Variants in IWS1 observed in about 807,000 individuals in gnomAD.
IWS1 encodes protein IWS1 homolog.
A neutral mutation model predicts 86.7 loss-of-function variants in IWS1; 27 were observed. The ratio of observed to expected loss-of-function variants is 0.31; its 90% CI spans 0.23 to 0.43. The LOEUF (loss-of-function observed/expected upper bound fraction) is 0.43. IWS1 is among the 20% of genes least tolerant of loss of function. The pLI is 1.00. For synonymous variants in IWS1, 313 were observed against 335.1 expected (o/e 0.93, Z 0.72); for missense variants, 827 against 1,000.8 (o/e 0.83, Z 2.34).
intron 13 of IWS1, among the ~76,000 whole-genome samples, chr2:127,485,579 G>A (rs890561145): frequency 6.6e-6 from 1 of 152,072 alleles, no homozygotes; most frequent in Non-Finnish European, 1.5e-5. Flanking sequence ...CTGTAATTCT[G>A]GGTCCTAACA....
chr2:127,486,189 C>A (rs911903265), intron 13 of IWS1, among the ~76,000 whole-genome samples: 2 of 152,020 alleles, frequency 1.3e-5, no homozygotes, highest in African/African-American at 4.8e-5. Flanking sequence ...AGAGGTAGGT[C>A]TGCTGAAGCA....
chr2:127,504,662 A>G, intron 3 of IWS1, 22 bp downstream of exon 3: 1 of 1,530,234 alleles, frequency 6.5e-7, no homozygotes, highest in South Asian at 1.3e-5. Flanking sequence ...CCATTGATAA[A>G]CAGCCCAAGG....
chr2:127,506,010 C>T (rs1691129334), intron 2 of IWS1, among the ~76,000 whole-genome samples: 1 of 152,190 alleles, frequency 6.6e-6, no homozygotes, highest in African/African-American at 2.4e-5. Flanking sequence ...CAGATTACTA[C>T]AGAAAACTGA....
At chr2:127,484,743 C>G (rs1486015801) in intron 13 of IWS1, 2 of 152,248 alleles carry the variant, frequency 1.3e-5, no homozygotes, top group East Asian at 3.8e-4. Flanking sequence ...TGGCTCATGC[C>G]TGTAATCCCT....
At chr2:127,485,698 T>C (rs1190068807) in intron 13 of IWS1, among the ~76,000 whole-genome samples, 1 of 152,186 alleles carries the variant, frequency 6.6e-6, no homozygotes, top group Admixed American at 6.5e-5. Flanking sequence ...GACTTCCATG[T>C]CAATTTCTAA....
chr2:127,494,057 A>T (rs1445361840), intron 8 of IWS1, among the ~76,000 whole-genome samples: 3 of 151,956 alleles, frequency 2.0e-5, no homozygotes. Context: ...CATCAAAAGT[A>T]GGCTGTGGCT....
rs334143 is a variant in IWS1 at position 127,505,900 on chromosome 2, C to T, written c.151-148G>A. The T allele has an allele frequency of 0.84, 426,396 of 509,416 alleles. 179,280 individuals are homozygous for T. Among genetic ancestry groups the T allele is most frequent in the East Asian group, 1 (31,774 of 31,844 alleles). 31.6% of individuals were successfully genotyped at this position (509,416 alleles called of 1,614,324 possible). The stretch of plus-strand genomic sequence containing the variant: ...TTCTTGTCCTATACCCATATAGAAA[C>T]ACCCCCACAGAAAGCCAATCAGTGA... On this transcript the variant is annotated intron_variant, in intron 2 of 13. Transcript: ENST00000295321. This position sits in a 1 kb window ranked among gnomAD's most constrained non-coding sequence, Gnocchi z 5.0.
Position 127,526,396 on chromosome 2 carries a change from C to T in IWS1, c.-188G>A. On this transcript the variant is annotated 5_prime_UTR_variant, in exon 1 of 14. Transcript: ENST00000295321. Reference sequence around the variant, plus strand: ...GAATTCTTTGACCTGGAAGCCCCGGCGGAAAAGGCCGTACCCGGCAGGCTG... The same window carrying T: ...GAATTCTTTGACCTGGAAGCCCCGGTGGAAAAGGCCGTACCCGGCAGGCTG... The T allele has an allele frequency of 1.3e-6, 2 of 1,535,778 alleles. No individual in the cohort carries two copies.
At chr2:127,494,035 C>G (rs1043935504) in intron 8 of IWS1, among the ~76,000 whole-genome samples, 1 of 151,956 alleles carries the variant, frequency 6.6e-6, no homozygotes. Context: ...TGCACCAATA[C>G]ATTTCCTCAG....
chr2:127,521,117 T>C (rs999903515), intron 2 of IWS1, among the ~76,000 whole-genome samples: 2 of 152,132 alleles, frequency 1.3e-5, no homozygotes, highest in African/African-American at 4.8e-5. Flanking sequence ...AAATTAGGCG[T>C]GGTAGCGCAC....
chr2:127,507,593 T>C (rs1691212358), intron 2 of IWS1, among the ~76,000 whole-genome samples: 1 of 152,212 alleles, frequency 6.6e-6, no homozygotes, highest in Non-Finnish European at 1.5e-5. Flanking sequence ...CGTACAATAG[T>C]CTGTATGTTG....
intron 13 of IWS1, chr2:127,482,119 T>G (rs569436875): frequency 6.6e-6 from 1 of 152,216 alleles, no homozygotes; most frequent in African/African-American, 2.4e-5. Flanking sequence ...AAGAGATGGG[T>G]TTTTCTAATT....
intron 2 of IWS1, among the ~76,000 whole-genome samples, chr2:127,511,570 CA>C (rs1217333199): frequency 6.6e-6 from 1 of 152,152 alleles, no homozygotes; most frequent in African/African-American, 2.4e-5. Context: ...CTTGTACGCT[CA>C]CACTTCACTG....
intron 5 of IWS1, chr2:127,502,564 G>T: frequency 3.4e-6 from 1 of 298,014 alleles, no homozygotes; most frequent in East Asian, 5.4e-5. Flanking sequence ...TTGCCCTTTA[G>T]CATTATAAAG....
chr2:127,495,523 A>G (rs116070037), intron 7 of IWS1, among the ~76,000 whole-genome samples: 138 of 152,350 alleles, frequency 9.1e-4, no homozygotes, highest in Non-Finnish European at 1.5e-3. Flanking sequence ...GACACAGATC[A>G]TTGAATCCAT....
At chr2:127,503,164 T>A (rs964115476) in intron 4 of IWS1, among the ~76,000 whole-genome samples, 7 of 152,222 alleles carry the variant, frequency 4.6e-5, no homozygotes, top group African/African-American at 1.7e-4. Context: ...CTGAACTTCA[T>A]GTAAATGGAA....
intron 10 of IWS1, 109 bp downstream of exon 10, chr2:127,491,862 T>C: frequency 1.4e-6 from 1 of 714,760 alleles, no homozygotes. Flanking sequence ...TATTCCACTT[T>C]ACCGACTCGT....
chr2:127,498,076 G>C, intron 6 of IWS1, 64 bp downstream of exon 6: 1 of 1,276,970 alleles, frequency 7.8e-7, no homozygotes, highest in Admixed American at 1.9e-5. Context: ...ACAAAAGAGA[G>C]TTTAATAGTC....
At chr2:127,526,104 G>A in intron 1 of IWS1, 71 bp downstream of exon 1, 1 of 1,466,228 alleles carries the variant, frequency 6.8e-7, no homozygotes, top group South Asian at 1.2e-5. Flanking sequence ...CCCCACCCGC[G>A]GGGTGCCAGG....
Sources: allele counts gnomAD v4.1 joint callset (sites outside exome capture counted in the v4.1 genomes callset), GRCh38; gene constraint gnomAD v4.1.1; non-coding constraint Gnocchi (gnomAD v3.1); transcripts MANE v1.5; gene names NCBI Gene and HGNC (gene_info 2026-07-23, HGNC 2026-07-21).